Variants in KCNC2 observed in about 807,000 individuals in gnomAD.
KCNC2 encodes the protein voltage-gated potassium channel KCNC2.
A neutral mutation model predicts 44.5 loss-of-function variants in KCNC2; 21 were observed. The ratio of observed to expected loss-of-function variants is 0.47; its 90% CI spans 0.33 to 0.68. The LOEUF is 0.68. Among genes scored for constraint, KCNC2 ranks in the 30% least tolerant of loss-of-function variants. KCNC2 has a pLI of 0.01. For missense variants in KCNC2, 589 were observed against 826.2 expected, an observed-to-expected ratio of 0.71 and a Z score of 3.52; for synonymous variants, 391 against 339.1, an observed-to-expected ratio of 1.15 and a Z score of -1.68.
chr12:75,191,518 A>ATTTTTTTTTTTT (rs2030220591), intron 2 of KCNC2, among the ~76,000 whole-genome samples: 1 of 52,314 alleles, frequency 1.9e-5, no homozygotes, highest in Non-Finnish European at 3.4e-5. Context: ...TATTATTATT[A>ATTTTTTTTTTTT]TTATTATTAT....
chr12:75,088,921 T>A (rs1172516751), intron 2 of KCNC2, among the ~76,000 whole-genome samples: 1 of 151,790 alleles, frequency 6.6e-6, no homozygotes, highest in African/African-American at 2.4e-5. Flanking sequence ...TAAACAGAGG[T>A]TCTTGCTTTC....
intron 2 of KCNC2, among the ~76,000 whole-genome samples, chr12:75,170,011 A>G (rs1891707253): frequency 6.6e-6 from 1 of 151,744 alleles, no homozygotes; most frequent in Non-Finnish European, 1.5e-5. Context: ...GCTTATTTTA[A>G]TCTTTTCATA....
intron 2 of KCNC2, among the ~76,000 whole-genome samples, chr12:75,063,813 T>C (rs1395821986): frequency 6.6e-6 from 1 of 152,104 alleles, no homozygotes; most frequent in Non-Finnish European, 1.5e-5. Context: ...TAATTTCTGA[T>C]GAACATGTTT....
At position 75,050,784 on chromosome 12, in the gene KCNC2, T is replaced by C; in HGVS notation, c.1221A>G (p.Gly407=). The change falls in exon 3 of 5, where the codon GGA becomes GGG. Residue 407 remains glycine (G), a synonymous_variant. Transcript: ENST00000549446. ...ATMIYYAERV[G]AQPNDPSASE... Reference sequence around the variant, plus strand: ...TAGCTGAAGGGTCGTTAGGTTGAGCTCCCACTCTCTCGGCATAGTAGATCA... The same window carrying C: ...TAGCTGAAGGGTCGTTAGGTTGAGCCCCCACTCTCTCGGCATAGTAGATCA... 6.2e-7 allele frequency: 1 copy of C among 1,613,384 alleles called. No homozygotes were observed. Among genetic ancestry groups the C allele is most frequent in the Non-Finnish European group, 8.5e-7 (1 of 1,179,826 alleles).
chr12:75,055,842 G>T (rs1881687265), intron 2 of KCNC2, among the ~76,000 whole-genome samples: 2 of 151,954 alleles, frequency 1.3e-5, no homozygotes, highest in African/African-American at 2.4e-5. Flanking sequence ...AAATTTTTAG[G>T]TATGTATAAT....
chr12:75,175,647 A>G (rs1892133996), intron 2 of KCNC2, among the ~76,000 whole-genome samples: 1 of 152,038 alleles, frequency 6.6e-6, no homozygotes, highest in Non-Finnish European at 1.5e-5. Context: ...TAAGGAGTTA[A>G]GTTTGAAACA....
intron 2 of KCNC2, among the ~76,000 whole-genome samples, chr12:75,120,437 T>C (rs1054246786): frequency 2.0e-5 from 3 of 152,212 alleles, no homozygotes; most frequent in Non-Finnish European, 2.9e-5. Context: ...GTATTGCACA[T>C]AGCAGCATTT....
At chr12:75,184,169 A>G (rs1397915130) in intron 2 of KCNC2, among the ~76,000 whole-genome samples, 1 of 152,128 alleles carries the variant, frequency 6.6e-6, no homozygotes, top group African/African-American at 2.4e-5. Context: ...TGCTTAGCTC[A>G]GCTTTTCTAG....
chr12:75,157,944 C>T (rs1890871344), intron 2 of KCNC2, among the ~76,000 whole-genome samples: 1 of 151,850 alleles, frequency 6.6e-6, no homozygotes, highest in East Asian at 1.9e-4. Flanking sequence ...AATTAAATGG[C>T]CAGGAGTCTT....
chr12:75,052,011 G>A (rs761581704), intron 2 of KCNC2, among the ~76,000 whole-genome samples: 4 of 151,892 alleles, frequency 2.6e-5, no homozygotes, highest in Non-Finnish European at 4.4e-5. Context: ...CAAAGTGTTC[G>A]AGTAACATAC....
chr12:75,137,120 G>T (rs1054112926), intron 2 of KCNC2, among the ~76,000 whole-genome samples: 1 of 152,044 alleles, frequency 6.6e-6, no homozygotes, highest in African/African-American at 2.4e-5. Flanking sequence ...CACTTTTAGG[G>T]CTTCTCTTTT....
intron 2 of KCNC2, among the ~76,000 whole-genome samples, chr12:75,088,825 T>A (rs1885238771): frequency 6.6e-6 from 1 of 151,992 alleles, no homozygotes; most frequent in Non-Finnish European, 1.5e-5. Context: ...GATTTATATA[T>A]AATCTAATAT....
At chr12:75,102,189 C>T (rs1283994588) in intron 2 of KCNC2, among the ~76,000 whole-genome samples, 1 of 151,824 alleles carries the variant, frequency 6.6e-6, no homozygotes, top group East Asian at 1.9e-4. Context: ...CTGAAACAAG[C>T]CAGTAGTGGA....
Position 75,179,216 on chromosome 12 carries a change from C to A in KCNC2, c.687+28081G>T, listed in dbSNP as rs118103935. On this transcript the variant is annotated intron_variant, in intron 2 of 4. Transcript: ENST00000549446. ...ACACTAGTAAAAATTAGGCTTTCTG[C>A]AGGAAATGATACAGTATTTTATTTG... 3.6e-3 allele frequency among the ~76,000 whole-genome samples: 548 copies of A among 152,012 alleles called. 1 individual carries two copies. Among genetic ancestry groups the A allele is most frequent in the Non-Finnish European group, 5.9e-3 (402 of 67,878 alleles).
rs894269696 is a variant in KCNC2, at chr12:75,152,345, C to T, written c.687+54952G>A. On this transcript the variant is annotated intron_variant, in intron 2 of 4. Transcript: ENST00000549446. ...AGAAAACACAAAAAATAAACAAAAACACGTTATTAAAACAACTGGTTTCCA... is the reference window on the plus strand; with the variant it reads ...AGAAAACACAAAAAATAAACAAAAATACGTTATTAAAACAACTGGTTTCCA... Among the ~76,000 whole-genome samples the T allele has an allele frequency of 4.6e-5, 7 of 151,446 alleles. 1 individual carries two copies. Among genetic ancestry groups the T allele is most frequent in the Non-Finnish European group, 1.0e-4 (7 of 67,750 alleles).
At chr12:75,074,995 G>T (rs1287477575) in intron 2 of KCNC2, among the ~76,000 whole-genome samples, 6 of 152,180 alleles carry the variant, frequency 3.9e-5, no homozygotes, top group African/African-American at 1.4e-4. Context: ...AAAAGGGACA[G>T]AAATATGAAA....
At chr12:75,109,604 G>A (rs553333174) in intron 2 of KCNC2, among the ~76,000 whole-genome samples, 2 of 152,230 alleles carry the variant, frequency 1.3e-5, no homozygotes, top group Non-Finnish European at 2.9e-5. Flanking sequence ...TGCAGATCGT[G>A]ATCATAAGAT....
intron 2 of KCNC2, among the ~76,000 whole-genome samples, chr12:75,099,732 C>A (rs538163038): frequency 1.4e-4 from 22 of 152,218 alleles, no homozygotes; most frequent in Non-Finnish European, 2.8e-4. Flanking sequence ...TATTGAATAA[C>A]TGCACATTAA....
In KCNC2 at chr12:75,041,616, T is replaced by C; in HGVS notation, c.*1489A>G. 2 of 1,025,098 alleles carry C rather than the reference T, an allele frequency of 2.0e-6. No homozygotes were observed. The highest frequency in any genetic ancestry group is 2.3e-6 in the Non-Finnish European group (2 of 852,722). The allele number at this position is 1,025,098 out of a possible 1,614,324, so 63.5% of individuals were successfully genotyped here. On this transcript the variant is annotated 3_prime_UTR_variant, in exon 5 of 5. Transcript: ENST00000549446. The stretch of plus-strand genomic sequence containing the variant: ...TGTTGAATTCATAGGAATGCATAAA[T>C]AGACTTTCTTCCACTCAGACTGAAT...
Sources: allele counts gnomAD v4.1 joint callset (sites outside exome capture counted in the v4.1 genomes callset), GRCh38; gene constraint gnomAD v4.1.1; transcripts MANE v1.5; gene names NCBI Gene and HGNC (gene_info 2026-07-23, HGNC 2026-07-21).